The following ANKRD30B variants were observed in gnomAD, a reference collection of about 807,000 sequenced individuals.
ANKRD30B encodes the protein ankyrin repeat domain-containing protein 30B.
A neutral mutation model predicts 202.2 loss-of-function variants in ANKRD30B; 144 were observed. That is an observed-to-expected ratio of 0.71 (90% CI 0.62 to 0.82). The LOEUF is 0.82. Among genes scored for constraint, ANKRD30B ranks in the 40% least tolerant of loss-of-function variants. The pLI is 0.00. For missense variants in ANKRD30B, 1,487 were observed against 1,669.1 expected (o/e 0.89, Z 1.90); for synonymous variants, 508 against 561.3 (o/e 0.91, Z 1.34).
At chr18:14,888,063 A>G in the ANKRD30B span, among the ~76,000 whole-genome samples, 1 of 152,108 alleles carries the variant, frequency 6.6e-6, no homozygotes, top group African/African-American at 2.4e-5. Flanking sequence ...CTTGAGCAGC[A>G]TTAGAAATTT....
chr18:14,806,062 T>C (rs184308673), intron 24 of ANKRD30B, among the ~76,000 whole-genome samples: 3,418 of 149,486 alleles, frequency 0.023, 155 homozygotes, highest in Non-Finnish European at 0.035. Flanking sequence ...CTAATAAAAA[T>C]ACAAAAAATT....
intron 5 of ANKRD30B, chr18:14,759,074 A>G (rs781593996): frequency 6.6e-6 from 1 of 152,176 alleles, no homozygotes; most frequent in Admixed American, 6.5e-5. Context: ...CAAATTCTGC[A>G]TTACCATGAA....
intron 19 of ANKRD30B, 26 bp downstream of exon 19, chr18:14,797,715 G>C: frequency 6.2e-7 from 1 of 1,608,292 alleles, no homozygotes; most frequent in Non-Finnish European, 8.5e-7. Context: ...TCTCTATCTT[G>C]AATATTAACT....
rs547035427 is a variant in ANKRD30B, at chr18:14,835,342, A to G, written c.2848-1869A>G. ...ATTGTTTTAAAGTAAAGTACCTATT[A>G]TCATAGAATCATACGTAAGGGAAGA... On this transcript the variant is annotated intron_variant, in intron 34 of 43. Coordinates refer to ENST00000690538, the MANE Select transcript of ANKRD30B (RefSeq NM_001367607.2). Among the ~76,000 whole-genome samples, 141 of 151,680 alleles carry G rather than the reference A, an allele frequency of 9.3e-4. 1 individual carries two copies. The highest frequency in any genetic ancestry group is 3.3e-3 in the African/African-American group (137 of 41,572).
the ANKRD30B span, among the ~76,000 whole-genome samples, chr18:14,881,627 C>G: frequency 6.6e-6 from 1 of 152,004 alleles, no homozygotes; most frequent in Non-Finnish European, 1.5e-5. Context: ...TCTTCTTTCT[C>G]TGTCTTGTGG....
chr18:14,916,875 T>C, the ANKRD30B span, among the ~76,000 whole-genome samples: 3 of 152,208 alleles, frequency 2.0e-5, no homozygotes, highest in Admixed American at 6.5e-5. Flanking sequence ...CACTTGGTAG[T>C]TGGAAACACA....
At chr18:14,860,543 G>A in the ANKRD30B span, among the ~76,000 whole-genome samples, 13 of 148,426 alleles carry the variant, frequency 8.8e-5, no homozygotes, top group East Asian at 2.0e-4. Context: ...CAAGGTGGCC[G>A]GGCAGAGGCG....
the ANKRD30B span, among the ~76,000 whole-genome samples, chr18:14,908,689 T>A: frequency 6.6e-6 from 1 of 152,152 alleles, no homozygotes; most frequent in East Asian, 1.9e-4. Context: ...GGAGCCCAGC[T>A]CAGAGCAGGT....
At chr18:14,908,079 T>C in the ANKRD30B span, among the ~76,000 whole-genome samples, 2 of 152,164 alleles carry the variant, frequency 1.3e-5, no homozygotes, top group Non-Finnish European at 2.9e-5. Context: ...AATTGGGGGT[T>C]TGCAGCATGA....
At chr18:14,890,091 T>C in the ANKRD30B span, 8 of 1,141,530 alleles carry the variant, frequency 7.0e-6, no homozygotes, top group Non-Finnish European at 1.0e-5. Context: ...TTCCATGATA[T>C]ATTCAAGGAA....
rs1415516752 is a variant in ANKRD30B at position 14,851,523 on chromosome 18, T to C, written c.3579T>C (p.His1193=). ...TSNLNQVSHT[H]ESENDLFHEN... ...GTTTTATTTAGGTTTCTCACACTCA[T>C]GAAAGTGAAAATGATCTCTTTCATG... The change falls in exon 42 of 44, where the codon CAT becomes CAC. Residue 1193 remains histidine (H), a synonymous_variant. Transcript: ENST00000690538. The C allele has an allele frequency of 3.2e-6, 5 of 1,539,656 alleles. No individual in the cohort carries two copies. In the South Asian group the frequency reaches 6.3e-5, roughly 19 times the overall value.
At chr18:14,823,930 G>A (rs1432744318) in intron 32 of ANKRD30B, among the ~76,000 whole-genome samples, 3 of 152,120 alleles carry the variant, frequency 2.0e-5, no homozygotes, top group South Asian at 4.1e-4. Context: ...AGCAAAGATC[G>A]TGCCACTCCA....
At chr18:14,755,090 A>G (rs1914122783) in intron 4 of ANKRD30B, 85 bp downstream of exon 4, 1 of 748,620 alleles carries the variant, frequency 1.3e-6, no homozygotes, top group Non-Finnish European at 2.0e-6. Context: ...TTAAATTAAC[A>G]ACATTTAGTT....
At chr18:14,826,298 T>C (rs1187877229) in intron 32 of ANKRD30B, among the ~76,000 whole-genome samples, 3 of 152,232 alleles carry the variant, frequency 2.0e-5, no homozygotes, top group Non-Finnish European at 2.9e-5. Flanking sequence ...TCAGAGAAAG[T>C]GATGTTGCAA....
downstream of ANKRD30B, among the ~76,000 whole-genome samples, chr18:14,858,634 C>CACCT (rs1333907468): frequency 7.5e-6 from 1 of 133,696 alleles, no homozygotes; most frequent in Non-Finnish European, 1.7e-5. Context: ...AGGCACTCCT[C>CACCT]ACCTACCAGA....
intron 15 of ANKRD30B, among the ~76,000 whole-genome samples, chr18:14,788,516 T>G (rs904952035): frequency 2.0e-4 from 31 of 152,224 alleles, no homozygotes; most frequent in Non-Finnish European, 2.4e-4. Flanking sequence ...TTAGCATTAG[T>G]TATATCTCCT....
downstream of ANKRD30B, among the ~76,000 whole-genome samples, chr18:14,855,823 G>A (rs1171071961): frequency 6.7e-6 from 1 of 149,208 alleles, no homozygotes; most frequent in Non-Finnish European, 1.5e-5. Context: ...CAGACGGGGT[G>A]GCCAGGCAGA....
At chr18:14,810,222 T>C (rs1969834891) in intron 28 of ANKRD30B, 42 bp downstream of exon 28, 3 of 1,197,158 alleles carry the variant, frequency 2.5e-6, no homozygotes, top group Non-Finnish European at 2.3e-6. Flanking sequence ...ATTAAGAATA[T>C]TAAACTATTT....
At chr18:14,855,908 G>A (rs1340366168), downstream of ANKRD30B, among the ~76,000 whole-genome samples, 1 of 151,432 alleles carries the variant, frequency 6.6e-6, no homozygotes, top group Non-Finnish European at 1.5e-5. Context: ...GCTGGGCAGA[G>A]GCGCTCCTCA....
Sources: allele counts gnomAD v4.1 joint callset (sites outside exome capture counted in the v4.1 genomes callset), GRCh38; gene constraint gnomAD v4.1.1; transcripts MANE v1.5; gene names NCBI Gene and HGNC (gene_info 2026-07-23, HGNC 2026-07-21).